CHIT1: variants seen among roughly 807,000 people sequenced by gnomAD.
CHIT1 encodes chitinase 1.
CHIT1 carries 47 observed loss-of-function variants against 52.0 expected under a neutral mutation model. The ratio of observed to expected loss-of-function variants is 0.90; its 90% CI spans 0.71 to 1.15. The LOEUF (loss-of-function observed/expected upper bound fraction) is 1.15. Among genes scored for constraint, CHIT1 ranks in the 50% most tolerant of loss-of-function variants. The pLI, the probability that CHIT1 is intolerant of heterozygous loss-of-function variation, is 0.00. For synonymous variants in CHIT1, 242 were observed against 228.2 expected (o/e 1.06, Z -0.54); for missense variants, 569 against 583.0 (o/e 0.98, Z 0.25).
chr1:203,223,756 T>C, intron 4 of CHIT1, 96 bp from the exon 5 acceptor site: 2 of 1,287,786 alleles, frequency 1.6e-6, no homozygotes, highest in Non-Finnish European at 1.1e-6. Context: ...GGACAGTGCG[T>C]CTCTGTGTCT....
In CHIT1 at chr1:203,223,155, G is replaced by T; in HGVS notation, c.585C>A (p.Tyr195Ter). The T allele has an allele frequency of 1.2e-6, 2 of 1,614,114 alleles. No homozygotes were observed. Among genetic ancestry groups the T allele is most frequent in the Non-Finnish European group, 1.7e-6 (2 of 1,180,034 alleles). Reference sequence around the variant, plus strand: ...CTCACTGGGCGATTTTGTCCACCTCGTATCCAGCATCCACATAGGTCTGCC... The same window carrying T: ...CTCACTGGGCGATTTTGTCCACCTCTTATCCAGCATCCACATAGGTCTGCC... ...PAGQTYVDAG[Y>*]EVDKIAQNLD... Residue 195 changes from tyrosine (Y) to a stop codon, truncating the protein, a stop_gained, in exon 6 of 11, where the codon TAC becomes TAA. Coordinates refer to ENST00000367229, the MANE Select transcript of CHIT1 (RefSeq NM_003465.3). LOFTEE classifies it high-confidence loss of function.
intron 10 of CHIT1, 44 bp downstream of exon 10, chr1:203,217,695 C>A (rs764257734): frequency 1.6e-5 from 26 of 1,613,584 alleles, no homozygotes; most frequent in Non-Finnish European, 2.2e-5. Context: ...TGTGTTTGTA[C>A]CCCACCTCCA....
chr1:203,223,362 A>G, intron 5 of CHIT1, 103 bp from the exon 6 acceptor site: 1 of 1,606,142 alleles, frequency 6.2e-7, no homozygotes, highest in Non-Finnish European at 8.5e-7. Context: ...AGAGCTGGCC[A>G]CAGGGCTGAT....
chr1:203,223,676 G>A lies in CHIT1; in HGVS notation c.315-16C>T, dbSNP rs902104998. 1 of 1,614,002 alleles carries A rather than the reference G, an allele frequency of 6.2e-7. No individual in the cohort carries two copies. Among genetic ancestry groups the A allele is most frequent in the Non-Finnish European group, 8.5e-7 (1 of 1,179,972 alleles). ...ATCTGTGAACCTGTGAGGTGATGAA[G>A]GGGAGTAAGGGCCGGCCTTGGACCA... On this transcript the variant is annotated splice_polypyrimidine_tract_variant and intron_variant, in intron 4 of 10. Coordinates refer to ENST00000367229, the MANE Select transcript of CHIT1 (RefSeq NM_003465.3).
At position 203,223,107 on chromosome 1, in the gene CHIT1, A is replaced by T. The variant is rs1656796209; in HGVS notation, c.605+28T>A. 7 of 1,613,630 alleles carry T rather than the reference A, an allele frequency of 4.3e-6. No homozygotes were observed. The Admixed American group carries it at 1.2e-4, about 27-fold the overall frequency. ...TGGCCTCTCTTCCCTCAGAGAGCACAGCTCCAAGCCATCTGCCTGAGACTC... is the reference window on the plus strand; with the variant it reads ...TGGCCTCTCTTCCCTCAGAGAGCACTGCTCCAAGCCATCTGCCTGAGACTC... On this transcript the variant is annotated intron_variant, in intron 6 of 10. Transcript: ENST00000367229.
chr1:203,225,705 T>C lies in CHIT1; in HGVS notation c.221A>G (p.Glu74Gly), dbSNP rs1174728337. 4.3e-6 allele frequency: 7 copies of C among 1,613,882 alleles called. No homozygotes were observed. The highest frequency in any genetic ancestry group is 5.9e-6 in the Non-Finnish European group (7 of 1,179,954). The change falls in exon 3 of 11, where the codon GAG becomes GGG. Residue 74 changes from glutamate (E) to glycine (G), a missense_variant. By Grantham distance (98) the Glu-to-Gly change is moderately conservative. Transcript: ENST00000367229. ...GCCATTGAACTCCTGGTAGAGAGTC[T>C]CGTCATTCCACTCAGTGGTGCTCAG... Reference protein sequence around the residue: ...HQLSTTEWNDETLYQEFNGLK... With the variant: ...HQLSTTEWNDGTLYQEFNGLK...
rs751958523 is a variant in CHIT1, at chr1:203,217,174, A to G, written c.1157-41T>C. The G allele has an allele frequency of 2.5e-6, 4 of 1,599,208 alleles. No individual in the cohort carries two copies. The African/African-American group carries it at 5.3e-5, about 21-fold the overall frequency. On this transcript the variant is annotated intron_variant, in intron 10 of 10. Coordinates refer to ENST00000367229, the MANE Select transcript of CHIT1 (RefSeq NM_003465.3). The stretch of plus-strand genomic sequence containing the variant: ...AGATTCAACCAAGGCTCCCCCGAAG[A>G]GATCCCAAACCCACAGGCAGAGCAC...
At chr1:203,220,133 G>T (rs1294707584) in intron 7 of CHIT1, among the ~76,000 whole-genome samples, 2 of 152,142 alleles carry the variant, frequency 1.3e-5, no homozygotes, top group Admixed American at 6.5e-5. Context: ...TGTGCCAGGC[G>T]CTGTCCATGG....
intron 2 of CHIT1, among the ~76,000 whole-genome samples, chr1:203,228,115 G>A (rs1200422911): frequency 1.3e-5 from 2 of 152,202 alleles, no homozygotes; most frequent in Non-Finnish European, 2.9e-5. Flanking sequence ...AGGGGCTGGG[G>A]ATGCTGAACC....
chr1:203,217,805 C>A lies in CHIT1; in HGVS notation c.1090G>T (p.Asp364Tyr), dbSNP rs770731880. 4.0e-6 allele frequency: 5 copies of A among 1,256,174 alleles called. No individual in the cohort carries two copies. The highest frequency in any genetic ancestry group is 5.5e-6 in the Non-Finnish European group (5 of 905,430). 77.8% of individuals were successfully genotyped at this position (1,256,174 alleles called of 1,614,324 possible). A position where few individuals can be genotyped will look rare whatever the true frequency, so the allele number is the denominator to read the frequency against. Residue 364 changes from aspartate (D) to tyrosine (Y), a missense_variant, in exon 10 of 11, where the codon GAC becomes TAC. Asp to Tyr is a radical substitution (Grantham distance 160). Coordinates refer to ENST00000367229, the MANE Select transcript of CHIT1 (RefSeq NM_003465.3). ...TGGTTGCAGGAGAAGCCGGCAAAGT[C>A]ATCTAAGTCCAGTGCCCAGACCATG... ...GAMVWALDLD[D>Y]FAGFSCNQGR...
At chr1:203,219,191 C>T in intron 9 of CHIT1, 25 bp downstream of exon 9, 2 of 1,265,684 alleles carry the variant, frequency 1.6e-6, no homozygotes, top group Non-Finnish European at 1.2e-6. Context: ...AGGACCACCC[C>T]TCTGCCAGCA....
rs1553274589 is a variant in CHIT1, at chr1:203,217,822, C to CAAACCATGGCCCCGCCCAGTCCCT, written c.1072_1073insAGGGACTGGGCGGGGCCATGGTTT (p.Val357_Trp358insTer). The CAAACCATGGCCCCGCCCAGTCCCT allele has an allele frequency of 6.2e-6, 10 of 1,612,362 alleles. No homozygotes were observed. The highest frequency in any genetic ancestry group is 8.5e-6 in the Non-Finnish European group (10 of 1,179,302). On this transcript the variant is annotated stop_gained, in exon 10 of 11. Coordinates refer to ENST00000367229, the MANE Select transcript of CHIT1 (RefSeq NM_003465.3). LOFTEE classifies it high-confidence loss of function. ...GGCAAAGTCATCTAAGTCCAGTGCC[C>CAAACCATGGCCCCGCCCAGTCCCT]AGACCATGGCCCCGCCCAGTCCCTT...
chr1:203,219,412 G>C (rs1656651560), intron 8 of CHIT1, 83 bp from the exon 9 acceptor site: 1 of 956,122 alleles, frequency 1.0e-6, no homozygotes, highest in Non-Finnish European at 1.7e-6. Flanking sequence ...GGAGACTAGA[G>C]ATTGGAAAAT....
At chr1:203,225,589 G>A (rs1656896763) in intron 3 of CHIT1, 80 bp downstream of exon 3, 4 of 1,418,652 alleles carry the variant, frequency 2.8e-6, no homozygotes, top group Non-Finnish European at 4.0e-6. Context: ...CCTTAGTGCT[G>A]GAGAGGTGTC....
chr1:203,226,406 G>T (rs1471574427), intron 2 of CHIT1, among the ~76,000 whole-genome samples: 1 of 152,238 alleles, frequency 6.6e-6, no homozygotes, highest in Admixed American at 6.5e-5. Context: ...ATGCTCATCT[G>T]CAGAAGGAAG....
At chr1:203,228,756 T>G (rs1210999786) in intron 1 of CHIT1, among the ~76,000 whole-genome samples, 194 bp from the exon 2 acceptor site, 2 of 152,190 alleles carry the variant, frequency 1.3e-5, no homozygotes, top group Non-Finnish European at 2.9e-5. Flanking sequence ...GGTCTCTTCC[T>G]GGCCTGGGTT....
In CHIT1 at chr1:203,219,324, G is replaced by A. The variant is rs1416503240; in HGVS notation, c.921C>T (p.Cys307=). 6.3e-7 allele frequency: 1 copy of A among 1,591,016 alleles called. No individual in the cohort carries two copies. ...TCTGTTTGGTGGCCCCCTTCCAGGA[G>A]CAGACCTGTGGGAGCAGAAGGCAGC... ...EGGMLAYYEV[C]SWKGATKQRI... Residue 307 remains cysteine, a synonymous_variant, in exon 9 of 11, where the codon TGC becomes TGT. Coordinates refer to ENST00000367229, the MANE Select transcript of CHIT1 (RefSeq NM_003465.3).
upstream of CHIT1, chr1:203,229,812 A>G: frequency 1.4e-6 from 1 of 722,468 alleles, no homozygotes; most frequent in Middle Eastern, 2.4e-4. Flanking sequence ...GAATTGGGCA[A>G]ACTTGACACA....
At chr1:203,229,578 C>A in intron 1 of CHIT1, 34 bp downstream of exon 1, 1 of 1,613,468 alleles carries the variant, frequency 6.2e-7, no homozygotes, top group Non-Finnish European at 8.5e-7. Context: ...CTCCCCACAG[C>A]TCCCGAGACC....
Sources: allele counts gnomAD v4.1 joint callset (sites outside exome capture counted in the v4.1 genomes callset), GRCh38; gene constraint gnomAD v4.1.1; transcripts MANE v1.5; gene names NCBI Gene and HGNC (gene_info 2026-07-23, HGNC 2026-07-21).